Variants in FCGR2B observed in about 807,000 individuals in gnomAD.
FCGR2B encodes the protein low affinity immunoglobulin gamma Fc region receptor II-b.
Under a neutral mutation model 24.8 loss-of-function variants are expected in FCGR2B, and 18 were observed. That is an observed-to-expected ratio of 0.73 (90% CI 0.50 to 1.08). The LOEUF (loss-of-function observed/expected upper bound fraction) is 1.08. Among genes scored for constraint, FCGR2B ranks in the 50% least tolerant of loss-of-function variants. FCGR2B has a pLI of 0.00. For missense variants in FCGR2B, 215 were observed against 297.6 expected, an observed-to-expected ratio of 0.72 and a Z score of 2.04; for synonymous variants, 79 against 109.8, an observed-to-expected ratio of 0.72 and a Z score of 1.75.
intron 3 of FCGR2B, chr1:161,672,440 G>A (rs1311193561): frequency 1.1e-5 from 2 of 174,040 alleles, no homozygotes; most frequent in Non-Finnish European, 2.5e-5. Context: ...CTGCTGGAAA[G>A]AAGCTCCACA....
At position 161,671,666 on chromosome 1, in the gene FCGR2B, C is replaced by A. The variant is rs752536839; in HGVS notation, c.391+17C>A. On this transcript the variant is annotated intron_variant, in intron 3 of 7. Coordinates refer to ENST00000358671, the MANE Select transcript of FCGR2B (RefSeq NM_001394477.1). Reference sequence around the variant, plus strand: ...TGCTTTCTGGTCAGTGGAGGAAGGCCCCAGGGTGGACCTGGGAGGGCCAGG... The same window carrying A: ...TGCTTTCTGGTCAGTGGAGGAAGGCACCAGGGTGGACCTGGGAGGGCCAGG... The A allele has an allele frequency of 3.1e-6, 5 of 1,612,010 alleles. No homozygotes were observed. In the African/African-American group the frequency reaches 5.3e-5, roughly 17 times the overall value.
rs1682231091 is a variant in FCGR2B at position 161,677,310 on chromosome 1, T to G, written c.818-18T>G. On this transcript the variant is annotated intron_variant, in intron 6 of 7. Coordinates refer to ENST00000358671, the MANE Select transcript of FCGR2B (RefSeq NM_001394477.1). ...TCTCCAGCAGTGCTCTGGCTGATAT[T>G]TCTTCTTTTTCCCACAGCCAATCCC... The G allele has an allele frequency of 6.2e-7, 1 of 1,613,580 alleles. No individual in the cohort carries two copies. The highest frequency in any genetic ancestry group is 1.3e-5 in the African/African-American group (1 of 74,878).
At chr1:161,661,264 AAGG>A (rs1260984170), upstream of FCGR2B, among the ~76,000 whole-genome samples, 5 of 54,180 alleles carry the variant, frequency 9.2e-5, no homozygotes, top group African/African-American at 1.3e-4. Flanking sequence ...GAAAGAAAGG[AAGG>A]AAGCAAGAAA....
chr1:161,674,048 C>G lies in FCGR2B; in HGVS notation c.735C>G (p.Ile245Met). 1 of 501,218 alleles carries G rather than the reference C, an allele frequency of 2.0e-6. No homozygotes were observed. The highest frequency in any genetic ancestry group is 3.5e-6 in the Non-Finnish European group (1 of 286,356). 31.0% of individuals were successfully genotyped at this position (501,218 alleles called of 1,614,324 possible). A position where few individuals can be genotyped will look rare whatever the true frequency, so the allele number is the denominator to read the frequency against. ...TTGTTGCTGCTGTAGTGGCCTTGAT[C>G]TACTGCAGGAAAAAGCGGATTTCAG... ...AAIVAAVVAL[I>M]YCRKKRISAL... is the part of the protein sequence containing the mutation. Residue 245 changes from isoleucine to methionine, a missense_variant, in exon 5 of 8, where the codon ATC becomes ATG. Ile to Met is a conservative substitution (Grantham distance 10, BLOSUM62 1). Transcript: ENST00000358671.
upstream of FCGR2B, among the ~76,000 whole-genome samples, chr1:161,661,616 G>C (rs1681105434): frequency 1.5e-5 from 1 of 68,104 alleles, no homozygotes; most frequent in Admixed American, 1.5e-4. Flanking sequence ...GATACCCTTG[G>C]TTTTACAGTA....
chr1:161,649,950 A>G, the FCGR2B span, among the ~76,000 whole-genome samples: 4 of 150,680 alleles, frequency 2.7e-5, 1 homozygote, highest in Admixed American at 2.7e-4. Flanking sequence ...GATCTTAGAG[A>G]AAGAAGAGTA....
upstream of FCGR2B, among the ~76,000 whole-genome samples, chr1:161,661,267 G>C (rs7550156): frequency 9.9e-3 from 952 of 96,160 alleles, 132 homozygotes; most frequent in African/African-American, 0.032. Flanking sequence ...AGAAAGGAAG[G>C]AAGCAAGAAA....
the FCGR2B span, among the ~76,000 whole-genome samples, chr1:161,647,624 C>A: frequency 6.6e-6 from 1 of 150,672 alleles, no homozygotes. Context: ...CTCTTAATTT[C>A]ACTCCCCTAG....
At chr1:161,673,885 A>G in intron 4 of FCGR2B, 75 bp from the exon 5 acceptor site, 3 of 443,104 alleles carry the variant, frequency 6.8e-6, no homozygotes, top group South Asian at 2.2e-5. Flanking sequence ...GGTGACAAGC[A>G]CTAGGACATA....
upstream of FCGR2B, among the ~76,000 whole-genome samples, chr1:161,661,326 G>A (rs1200125939): frequency 2.9e-5 from 4 of 137,100 alleles, no homozygotes; most frequent in Non-Finnish European, 6.3e-5. Context: ...CAGGTTACTC[G>A]TTTCTACCTT....
chr1:161,671,852 G>A (rs1379006120), intron 3 of FCGR2B: 5 of 995,820 alleles, frequency 5.0e-6, no homozygotes, highest in Non-Finnish European at 5.8e-6. Flanking sequence ...AGGCAGCCAA[G>A]TGTGAGAGAA....
Position 161,669,779 on chromosome 1 carries a change from A to C in FCGR2B, c.113-473A>C, listed in dbSNP as rs991897125. ...GTGTGATCACAGAAAGAAATCCAAC[A>C]GGATGTATGCCAAGGTGATAATATT... On this transcript the variant is annotated intron_variant, in intron 1 of 7. Transcript: ENST00000358671. Among the ~76,000 whole-genome samples, 3 of 99,090 alleles carry C rather than the reference A, an allele frequency of 3.0e-5. 1 individual carries two copies. The highest frequency in any genetic ancestry group is 1.0e-4 in the African/African-American group (3 of 28,840). 65.0% of individuals were successfully genotyped at this position (99,090 alleles called of 152,430 possible).
chr1:161,652,693 A>G, the FCGR2B span, among the ~76,000 whole-genome samples: 6 of 134,624 alleles, frequency 4.5e-5, 1 homozygote, highest in Non-Finnish European at 8.4e-5. Flanking sequence ...TTTTTATTGA[A>G]TTCTGGACAT....
rs2102683751 is a variant in FCGR2B at position 161,677,614 on chromosome 1, C to A, written c.*61C>A. The A allele has an allele frequency of 7.3e-7, 1 of 1,364,966 alleles. No individual in the cohort carries two copies. The allele number at this position is 1,364,966 out of a possible 1,614,324, so 84.6% of individuals were successfully genotyped here. On this transcript the variant is annotated 3_prime_UTR_variant, in exon 8 of 8. Coordinates refer to ENST00000358671, the MANE Select transcript of FCGR2B (RefSeq NM_001394477.1). ...TCAGAGAGGGAAGATCTGGTATTTCCTGGCCTAAATTCCCCTTGGGGAGGA... is the reference window on the plus strand; with the variant it reads ...TCAGAGAGGGAAGATCTGGTATTTCATGGCCTAAATTCCCCTTGGGGAGGA...
the FCGR2B span, among the ~76,000 whole-genome samples, chr1:161,647,601 G>A: frequency 2.0e-5 from 3 of 150,322 alleles, no homozygotes; most frequent in Non-Finnish European, 3.0e-5. Context: ...CACTGTGCCC[G>A]GCCTGCTCTG....
rs756887151 is a variant in FCGR2B, at chr1:161,672,966, G to T, written c.392-9G>T. ...TCCCGGGTCCTCTGCGGTTTTTTGTGTCTTTCAGAGTGGCTGGTGCTCCAG... is the reference window on the plus strand; with the variant it reads ...TCCCGGGTCCTCTGCGGTTTTTTGTTTCTTTCAGAGTGGCTGGTGCTCCAG... On this transcript the variant is annotated splice_polypyrimidine_tract_variant and intron_variant, in intron 3 of 7. Transcript: ENST00000358671. 29 of 1,613,716 alleles carry T rather than the reference G, an allele frequency of 1.8e-5. No homozygotes were observed. The highest frequency in any genetic ancestry group is 2.4e-5 in the Non-Finnish European group (28 of 1,179,808).
In FCGR2B at chr1:161,677,377, C is replaced by T. The variant is rs752010817; in HGVS notation, c.855+12C>T. On this transcript the variant is annotated intron_variant, in intron 7 of 7. Coordinates refer to ENST00000358671, the MANE Select transcript of FCGR2B (RefSeq NM_001394477.1). ...CTGACAAAGTTGGGGTGAGTGATCC[C>T]AGCCATCTCCCCCTCCCTTCTCCCC... 6.2e-7 allele frequency: 1 copy of T among 1,613,026 alleles called. No homozygotes were observed. The highest frequency in any genetic ancestry group is 1.1e-5 in the South Asian group (1 of 90,974).
At chr1:161,653,156 C>T in the FCGR2B span, among the ~76,000 whole-genome samples, 47 of 133,992 alleles carry the variant, frequency 3.5e-4, no homozygotes, top group Admixed American at 9.9e-4. Flanking sequence ...GTAATCCCAG[C>T]ACTTTGGGAA....
chr1:161,653,274 G>A, the FCGR2B span, among the ~76,000 whole-genome samples: 5 of 132,476 alleles, frequency 3.8e-5, no homozygotes, highest in East Asian at 1.0e-3. Flanking sequence ...ATGGTGGCAG[G>A]CACCTGTAAT....
Sources: gnomAD v4.1 joint callset for allele counts (sites outside exome capture counted in the v4.1 genomes callset) on GRCh38, gnomAD v4.1.1 for gene constraint, MANE v1.5 for transcripts, NCBI Gene and HGNC (gene_info 2026-07-23, HGNC 2026-07-21) for gene names.